CLTCL1: variants seen among roughly 807,000 people sequenced by gnomAD.
The protein encoded by CLTCL1 is clathrin heavy chain like 1.
Under a neutral mutation model 190.0 loss-of-function variants are expected in CLTCL1, and 159 were observed. The ratio of observed to expected loss-of-function variants is 0.84; its 90% CI spans 0.74 to 0.95. The LOEUF is 0.95. Ranked by LOEUF, CLTCL1 falls within the 40% of genes least tolerant of loss-of-function variation. The probability of loss-of-function intolerance (pLI) is 0.00; values close to 1 mark genes in which losing one functional copy is unlikely to be tolerated. For missense variants in CLTCL1, 1,878 were observed against 2,033.4 expected, an observed-to-expected ratio of 0.92 and a Z score of 1.47; for synonymous variants, 752 against 769.6, an observed-to-expected ratio of 0.98 and a Z score of 0.38.
Position 19,278,845 on chromosome 22 carries a change from G to A in CLTCL1, c.43-3015C>T, listed in dbSNP as rs145472915. ...CAACATCCACCTCCCGGGTTCAAGC[G>A]ATTCTCCAGCCTCAGCCTCCTGGGT... On this transcript the variant is annotated intron_variant, in intron 1 of 32. Coordinates refer to ENST00000427926, the MANE Select transcript of CLTCL1 (RefSeq NM_007098.4). Among the ~76,000 whole-genome samples the A allele has an allele frequency of 0.012, 1,849 of 152,242 alleles. 126 individuals carry two copies. In the East Asian group the frequency reaches 0.19, roughly 16 times the overall value.
intron 1 of CLTCL1, among the ~76,000 whole-genome samples, chr22:19,285,929 T>C (rs1478228946): frequency 6.6e-6 from 1 of 152,198 alleles, no homozygotes; most frequent in African/African-American, 2.4e-5. Flanking sequence ...GGCAGAAGCA[T>C]ATTTAAAGCA....
intron 4 of CLTCL1, among the ~76,000 whole-genome samples, chr22:19,240,721 A>T (rs2086226520): frequency 6.6e-6 from 1 of 152,184 alleles, no homozygotes; most frequent in East Asian, 1.9e-4. Context: ...TTAGTGTACC[A>T]CAAAAGGGTA....
intron 22 of CLTCL1, among the ~76,000 whole-genome samples, chr22:19,206,644 C>T (rs1023865243): frequency 6.6e-6 from 1 of 151,838 alleles, no homozygotes; most frequent in Admixed American, 6.6e-5. Context: ...ATTATGTTGC[C>T]CAGGCTGGTC....
At chr22:19,253,875 A>G (rs1276529952) in intron 3 of CLTCL1, 84 bp downstream of exon 3, 1 of 1,508,294 alleles carries the variant, frequency 6.6e-7, no homozygotes, top group South Asian at 1.3e-5. Context: ...CCTATAACCA[A>G]CTTCTAATGA....
intron 3 of CLTCL1, among the ~76,000 whole-genome samples, chr22:19,251,311 A>G (rs2800993): frequency 5.9e-5 from 9 of 152,082 alleles, no homozygotes; most frequent in Non-Finnish European, 1.3e-4. Context: ...GATGTTTGCA[A>G]ACTGATATTG....
chr22:19,273,091 G>A (rs1601711510), intron 2 of CLTCL1, among the ~76,000 whole-genome samples: 1 of 152,164 alleles, frequency 6.6e-6, no homozygotes, highest in Non-Finnish European at 1.5e-5. Context: ...CTAGAAGCTA[G>A]TCAAGGTGTG....
chr22:19,200,934 A>T (rs1436138032), intron 23 of CLTCL1, among the ~76,000 whole-genome samples: 1 of 152,174 alleles, frequency 6.6e-6, no homozygotes, highest in African/African-American at 2.4e-5. Context: ...GCTGTTTTGG[A>T]TATTTCTTCA....
In CLTCL1 at chr22:19,224,095, T is replaced by G. The variant is rs369414358; in HGVS notation, c.2129-41A>C. The G allele has an allele frequency of 3.9e-5, 62 of 1,607,748 alleles. No homozygotes were observed. In the African/African-American group the frequency reaches 8.2e-4, roughly 21 times the overall value. On this transcript the variant is annotated intron_variant, in intron 13 of 32. Transcript: ENST00000427926. Reference sequence around the variant, plus strand: ...ATTCCATTTTTGTCCTTGTAACACCTGCCTGTCTCCTCCGTAGCTGCTGCC... The same window carrying G: ...ATTCCATTTTTGTCCTTGTAACACCGGCCTGTCTCCTCCGTAGCTGCTGCC...
At chr22:19,240,892 T>C (rs577784024) in intron 4 of CLTCL1, among the ~76,000 whole-genome samples, 2 of 151,836 alleles carry the variant, frequency 1.3e-5, no homozygotes, top group Admixed American at 6.6e-5. Flanking sequence ...CAGGAGGAGG[T>C]TGGCAGAAAA....
intron 2 of CLTCL1, among the ~76,000 whole-genome samples, chr22:19,267,002 G>A (rs1461476476): frequency 1.3e-5 from 2 of 152,134 alleles, no homozygotes; most frequent in Non-Finnish European, 2.9e-5. Flanking sequence ...CCGATGCAAT[G>A]TTGAAACAAA....
chr22:19,258,347 G>C, intron 2 of CLTCL1: 1 of 420,722 alleles, frequency 2.4e-6, no homozygotes, highest in Non-Finnish European at 4.5e-6. Context: ...AGATTGAGGA[G>C]AGCACCACAG....
In CLTCL1 at chr22:19,222,708, C is replaced by T; in HGVS notation, c.2394G>A (p.Arg798=). 2.5e-6 allele frequency: 4 copies of T among 1,592,984 alleles called. No homozygotes were observed. The highest frequency in any genetic ancestry group is 1.7e-4 in the Middle Eastern group (1 of 6,038). ...CCTTCTGCACGTAGATCTCAATGTA[C>T]CTCTGCAGGTTGTTGCGGTATAAAT... ...VLYLYRNNLQ[R]YIEIYVQKVN... The change falls in exon 15 of 33, where the codon AGG becomes AGA. Residue 798 remains arginine, a synonymous_variant. Transcript: ENST00000427926.
chr22:19,210,820 T>G (rs1555946311), intron 19 of CLTCL1, among the ~76,000 whole-genome samples: 1 of 152,228 alleles, frequency 6.6e-6, no homozygotes, highest in Non-Finnish European at 1.5e-5. Context: ...TTTTCCTACC[T>G]GTGCTTTCTT....
intron 18 of CLTCL1, 82 bp downstream of exon 18, chr22:19,219,803 A>T: frequency 6.3e-7 from 1 of 1,591,866 alleles, no homozygotes; most frequent in Non-Finnish European, 8.6e-7. Context: ...TTTAAATTAA[A>T]AATGAAACCA....
intron 3 of CLTCL1, among the ~76,000 whole-genome samples, chr22:19,244,606 CA>C (rs1555967157): frequency 2.6e-5 from 4 of 152,142 alleles, no homozygotes; most frequent in South Asian, 4.1e-4. Flanking sequence ...CCTAAAGGTA[CA>C]GATACCTAAA....
intron 2 of CLTCL1, among the ~76,000 whole-genome samples, chr22:19,271,493 C>G (rs1288371821): frequency 1.3e-5 from 2 of 152,168 alleles, no homozygotes; most frequent in African/African-American, 4.8e-5. Context: ...TGTTCTCTCT[C>G]TACTGCTCCG....
chr22:19,208,236 A>C lies in CLTCL1; in HGVS notation c.3518T>G (p.Leu1173Arg). 1 of 1,613,894 alleles carries C rather than the reference A, an allele frequency of 6.2e-7. No individual in the cohort carries two copies. The highest frequency in any genetic ancestry group is 8.5e-7 in the Non-Finnish European group (1 of 1,179,904). The part of the protein sequence containing the change: ...KGRESYIETE[L>R]IFALAKTSRV... The stretch of plus-strand genomic sequence containing the variant: ...GCTGGTTTTAGCCAAGGCAAAAATA[A>C]GTTCAGTCTCTATATAGGACTCACG... Residue 1173 changes from leucine to arginine, a missense_variant, in exon 22 of 33, where the codon CTT becomes CGT. Coordinates refer to ENST00000427926, the MANE Select transcript of CLTCL1 (RefSeq NM_007098.4).
At position 19,210,421 on chromosome 22, in the gene CLTCL1, C is replaced by T. The variant is rs782309571; in HGVS notation, c.3154G>A (p.Ala1052Thr). ...ACAGCGATGCTCGCGATGTCCAGTG[C>T]GTCATAGTTGTCCAGGCGGCTGATG... Reference protein sequence around the residue: ...EYISRLDNYDALDIASIAVSS... With the variant: ...EYISRLDNYDTLDIASIAVSS... The change falls in exon 20 of 33, where the codon GCA (alanine) becomes ACA (threonine). Residue 1052 changes from alanine to threonine, a missense_variant. Ala to Thr is a moderately conservative substitution (Grantham distance 58). Coordinates refer to ENST00000427926, the MANE Select transcript of CLTCL1 (RefSeq NM_007098.4). 15 of 1,613,872 alleles carry T rather than the reference C, an allele frequency of 9.3e-6. No individual in the cohort carries two copies. The highest frequency in any genetic ancestry group is 5.0e-5 in the Admixed American group (3 of 60,004).
chr22:19,223,831 G>A lies in CLTCL1; in HGVS notation c.2292+60C>T, dbSNP rs1333186853. ...CTGCCCCTGGGACGTCCTGCGGATG[G>A]TCTGCCCCACCTGCCATCAGCAAGG... On this transcript the variant is annotated intron_variant, in intron 14 of 32. Coordinates refer to ENST00000427926, the MANE Select transcript of CLTCL1 (RefSeq NM_007098.4). 71 of 1,601,218 alleles carry A rather than the reference G, an allele frequency of 4.4e-5. 1 individual carries two copies. The East Asian group carries it at 1.5e-3, about 35-fold the overall frequency.
Sources: gnomAD v4.1 joint callset for allele counts (sites outside exome capture counted in the v4.1 genomes callset) on GRCh38, gnomAD v4.1.1 for gene constraint, MANE v1.5 for transcripts, NCBI Gene and HGNC (gene_info 2026-07-23, HGNC 2026-07-21) for gene names.